CATSPERB: variants seen among roughly 807,000 people sequenced by gnomAD.
CATSPERB encodes cation channel sperm-associated auxiliary subunit beta.
In CATSPERB, 93 loss-of-function variants were observed where a neutral mutation model predicts 128.3. That is an observed-to-expected ratio of 0.72 (90% CI 0.61 to 0.86). CATSPERB has a LOEUF of 0.86. CATSPERB is among the 40% of genes least tolerant of loss of function. The pLI is 0.00. For synonymous variants in CATSPERB, 381 were observed against 448.8 expected, an observed-to-expected ratio of 0.85 and a Z score of 1.91; for missense variants, 1,153 against 1,329.5, an observed-to-expected ratio of 0.87 and a Z score of 2.06.
chr14:91,620,647 G>A (rs144860487), intron 19 of CATSPERB, among the ~76,000 whole-genome samples: 1 of 152,106 alleles, frequency 6.6e-6, no homozygotes, highest in Non-Finnish European at 1.5e-5. Flanking sequence ...GGAAAGTATA[G>A]AATTCTACTT....
intron 15 of CATSPERB, among the ~76,000 whole-genome samples, chr14:91,640,473 C>A (rs1377390399): frequency 8.7e-6 from 1 of 115,130 alleles, no homozygotes; most frequent in African/African-American, 3.5e-5. Context: ...CAATTCCCAC[C>A]TATGAGTGAG....
intron 7 of CATSPERB, among the ~76,000 whole-genome samples, chr14:91,703,361 C>T (rs927510328): frequency 4.1e-4 from 63 of 152,268 alleles, no homozygotes; most frequent in African/African-American, 1.5e-3. Flanking sequence ...GTGCTAGGAA[C>T]ATCCTTTGTT....
At chr14:91,670,680 G>GA (rs1243340329) in intron 13 of CATSPERB, among the ~76,000 whole-genome samples, 28 of 139,096 alleles carry the variant, frequency 2.0e-4, no homozygotes, top group South Asian at 4.6e-4. Flanking sequence ...CATCTCAAAA[G>GA]AAAAAAAAAA....
At chr14:91,729,016 T>C (rs1896165489) in intron 2 of CATSPERB, among the ~76,000 whole-genome samples, 1 of 152,172 alleles carries the variant, frequency 6.6e-6, no homozygotes, top group African/African-American at 2.4e-5. Flanking sequence ...AAGTTTTACA[T>C]TGTGCACTGT....
At chr14:91,684,261 G>T (rs1184413324) in intron 10 of CATSPERB, among the ~76,000 whole-genome samples, 3 of 152,162 alleles carry the variant, frequency 2.0e-5, no homozygotes, top group Admixed American at 6.5e-5. Flanking sequence ...AGTTACAATG[G>T]GTCACATATT....
At chr14:91,609,076 A>C (rs1046980001) in intron 21 of CATSPERB, among the ~76,000 whole-genome samples, 1 of 152,214 alleles carries the variant, frequency 6.6e-6, no homozygotes, top group South Asian at 2.1e-4. Flanking sequence ...GATTTATAGT[A>C]GTATTCTGTA....
chr14:91,712,077 G>C (rs534579422), intron 5 of CATSPERB, among the ~76,000 whole-genome samples: 31 of 152,286 alleles, frequency 2.0e-4, no homozygotes, highest in African/African-American at 7.2e-4. Context: ...GCAATGCTTA[G>C]AGAGAAATAT....
chr14:91,623,242 C>A (rs1246668650), intron 18 of CATSPERB, among the ~76,000 whole-genome samples: 1 of 152,112 alleles, frequency 6.6e-6, no homozygotes, highest in African/African-American at 2.4e-5. Flanking sequence ...ATTTTCATTC[C>A]TTATCTTACC....
intron 15 of CATSPERB, among the ~76,000 whole-genome samples, chr14:91,649,885 C>G (rs1475667250): frequency 2.0e-5 from 3 of 151,856 alleles, no homozygotes; most frequent in East Asian, 3.9e-4. Context: ...TTTTTTGTGT[C>G]AATAATATTT....
intron 20 of CATSPERB, among the ~76,000 whole-genome samples, chr14:91,612,059 TCTTTCTTCC>T (rs1566703336): frequency 8.8e-6 from 1 of 113,424 alleles, no homozygotes; most frequent in Admixed American, 9.1e-5. Context: ...TTTCTTTCTT[TCTTTCTTCC>T]TTTTTTTAAG....
At chr14:91,725,766 T>G (rs376339773) in intron 2 of CATSPERB, among the ~76,000 whole-genome samples, 6 of 152,234 alleles carry the variant, frequency 3.9e-5, no homozygotes, top group African/African-American at 1.4e-4. Flanking sequence ...ACAGAAATAC[T>G]GGGTAGAAGA....
rs368243683 is a variant in CATSPERB, at chr14:91,725,059, C to A, written c.168+21G>T. On this transcript the variant is annotated intron_variant, in intron 3 of 26. Transcript: ENST00000256343. ...TAAAGGAACGTGAAGGGTTATAACA[C>A]ATGCTATTAGTGGACCTTACCAAGT... is the stretch of plus-strand genomic sequence containing the variant. The A allele has an allele frequency of 3.1e-5, 40 of 1,300,854 alleles. No individual in the cohort carries two copies. In the African/African-American group the frequency reaches 5.7e-4, roughly 18 times the overall value. 80.6% of individuals were successfully genotyped at this position (1,300,854 alleles called of 1,614,324 possible). A position where few individuals can be genotyped will look rare whatever the true frequency, so the allele number is the denominator to read the frequency against.
chr14:91,663,882 C>T (rs181830338), intron 14 of CATSPERB, among the ~76,000 whole-genome samples: 24 of 152,164 alleles, frequency 1.6e-4, no homozygotes, highest in Admixed American at 7.9e-4. Flanking sequence ...AGAGTTCCCC[C>T]GCACATGCAT....
rs3029803 is a variant in CATSPERB, at chr14:91,587,477, CTTTTT to C, written c.3058-206_3058-202del. On this transcript the variant is annotated intron_variant, in intron 25 of 26. Coordinates refer to ENST00000256343, the MANE Select transcript of CATSPERB (RefSeq NM_024764.4). ...AAGTGGAGGGATTCAATAGCTGATACTTTTTTTTTTTTTTTTTTTTTTTTTTTTAG... is the reference window on the plus strand; with the variant it reads ...AAGTGGAGGGATTCAATAGCTGATACTTTTTTTTTTTTTTTTTTTTTTTAG... Among the ~76,000 whole-genome samples the C allele has an allele frequency of 8.5e-3, 862 of 101,514 alleles. 18 individuals carry two copies. Among genetic ancestry groups the C allele is most frequent in the South Asian group, 0.018 (50 of 2,810 alleles). 66.6% of individuals were successfully genotyped at this position (101,514 alleles called of 152,430 possible).
rs913006489 is a variant in CATSPERB, at chr14:91,644,186, A to T, written c.1433-4936T>A. Among the ~76,000 whole-genome samples, 1,056 of 131,496 alleles carry T rather than the reference A, an allele frequency of 8.0e-3. 20 individuals are homozygous for T. The highest frequency in any genetic ancestry group is 0.013 in the Non-Finnish European group (777 of 60,492). The allele number at this position is 131,496 out of a possible 152,430, so 86.3% of individuals were successfully genotyped here. A position where few individuals can be genotyped will look rare whatever the true frequency, so the allele number is the denominator to read the frequency against. ...TCCAATTTGCCAGTCTGTGTCTTTT[A>T]ATTGGAGAATTTAGTCCATTTACAT... On this transcript the variant is annotated intron_variant, in intron 15 of 26. Transcript: ENST00000256343.
intron 13 of CATSPERB, among the ~76,000 whole-genome samples, chr14:91,671,892 G>T (rs535873554): frequency 6.6e-6 from 1 of 151,778 alleles, no homozygotes. Context: ...GGTGGCGGGC[G>T]CCTGTAGTCC....
chr14:91,652,780 A>G (rs10498628), intron 15 of CATSPERB, among the ~76,000 whole-genome samples: 89,521 of 151,684 alleles, frequency 0.59, 27,106 homozygotes, highest in East Asian at 0.77. Flanking sequence ...AACAATATTC[A>G]CAATTACTTT....
intron 7 of CATSPERB, among the ~76,000 whole-genome samples, chr14:91,698,503 A>G (rs1470345724): frequency 2.6e-5 from 4 of 152,130 alleles, no homozygotes; most frequent in Admixed American, 2.6e-4. Flanking sequence ...AGCTTTGGCC[A>G]GTTCAGTATA....
intron 1 of CATSPERB, among the ~76,000 whole-genome samples, chr14:91,730,022 C>T (rs1046744578): frequency 6.6e-6 from 1 of 152,110 alleles, no homozygotes; most frequent in Non-Finnish European, 1.5e-5. Flanking sequence ...TGGTGAATTG[C>T]TTAATCTCAC....
Sources: gnomAD v4.1 joint callset for allele counts (sites outside exome capture counted in the v4.1 genomes callset) on GRCh38, gnomAD v4.1.1 for gene constraint, MANE v1.5 for transcripts, NCBI Gene and HGNC (gene_info 2026-07-23, HGNC 2026-07-21) for gene names.